The following NTM variants were observed in gnomAD, a reference collection of about 807,000 sequenced individuals.
NTM encodes the protein neurotrimin, also known as IgLON family member 2.
In NTM, 13 loss-of-function variants were observed where a neutral mutation model predicts 42.1. That is an observed-to-expected ratio of 0.31 (90% CI 0.20 to 0.49). The LOEUF (loss-of-function observed/expected upper bound fraction) is 0.49, where lower values mean the gene tolerates loss of function less well. Among genes scored for constraint, NTM ranks in the 20% least tolerant of loss-of-function variants. The pLI is 0.99. For synonymous variants in NTM, 187 were observed against 179.2 expected, an observed-to-expected ratio of 1.04 and a Z score of -0.35; for missense variants, 373 against 452.8, an observed-to-expected ratio of 0.82 and a Z score of 1.60.
At chr11:131,962,935 T>A (rs1483527085) in intron 2 of NTM, among the ~76,000 whole-genome samples, 2 of 152,170 alleles carry the variant, frequency 1.3e-5, no homozygotes, top group African/African-American at 2.4e-5. Flanking sequence ...TGAAGATCCT[T>A]ACTCACTGCA....
At chr11:131,939,433 A>T (rs1225228120) in intron 2 of NTM, among the ~76,000 whole-genome samples, 1 of 152,112 alleles carries the variant, frequency 6.6e-6, no homozygotes, top group Non-Finnish European at 1.5e-5. Context: ...AGAAAAAAAG[A>T]TGGTAGTAAT....
chr11:132,020,762 C>T (rs1374727729), intron 2 of NTM, among the ~76,000 whole-genome samples: 2 of 152,108 alleles, frequency 1.3e-5, no homozygotes, highest in Admixed American at 1.3e-4. Flanking sequence ...CCATCTTAAA[C>T]TTCTCAGTGT....
chr11:131,542,616 C>T (rs767747292), intron 1 of NTM, among the ~76,000 whole-genome samples: 9 of 152,166 alleles, frequency 5.9e-5, no homozygotes, highest in Non-Finnish European at 1.2e-4. Flanking sequence ...AATGTACCCC[C>T]TATTTTAGCA....
At chr11:131,512,164 A>T (rs2048330505) in intron 1 of NTM, among the ~76,000 whole-genome samples, 3 of 152,140 alleles carry the variant, frequency 2.0e-5, no homozygotes, top group African/African-American at 7.2e-5. Context: ...AGCCTTGGGG[A>T]CACGAGTGGA....
chr11:132,161,452 T>C (rs887321955), intron 3 of NTM, among the ~76,000 whole-genome samples: 4 of 150,848 alleles, frequency 2.7e-5, no homozygotes, highest in Admixed American at 6.6e-5. Context: ...CATCCTTTTT[T>C]TCCTGTTCTT....
intron 4 of NTM, among the ~76,000 whole-genome samples, chr11:132,218,333 A>G (rs1214025410): frequency 6.6e-6 from 1 of 152,212 alleles, no homozygotes; most frequent in Non-Finnish European, 1.5e-5. Flanking sequence ...TGCCAATTCT[A>G]GACAACTCTT....
At chr11:132,000,133 A>G (rs554482998) in intron 2 of NTM, among the ~76,000 whole-genome samples, 2 of 152,248 alleles carry the variant, frequency 1.3e-5, no homozygotes, top group African/African-American at 4.8e-5. Context: ...CCCTCAGCCC[A>G]CCTGGAAGCC....
chr11:132,190,667 G>A (rs940614861), intron 3 of NTM, among the ~76,000 whole-genome samples: 7 of 151,296 alleles, frequency 4.6e-5, no homozygotes, highest in Non-Finnish European at 8.8e-5. Flanking sequence ...AACCCAGGTG[G>A]CCCAGGTTGC....
intron 2 of NTM, among the ~76,000 whole-genome samples, chr11:132,108,875 C>T (rs2062779751): frequency 6.6e-6 from 1 of 152,098 alleles, no homozygotes; most frequent in Admixed American, 6.5e-5. Flanking sequence ...CCCTGACAGG[C>T]CCCAGTGTGT....
chr11:132,329,944 G>A (rs1169202746), intron 7 of NTM, among the ~76,000 whole-genome samples: 1 of 152,190 alleles, frequency 6.6e-6, no homozygotes, highest in Non-Finnish European at 1.5e-5. Context: ...ACCTCTTGAG[G>A]CAACTGGCTG....
At chr11:132,223,174 T>G (rs1052105824) in intron 4 of NTM, among the ~76,000 whole-genome samples, 12 of 152,220 alleles carry the variant, frequency 7.9e-5, no homozygotes, top group African/African-American at 2.9e-4. Flanking sequence ...CTACTGTGTG[T>G]GGGGCAACTC....
chr11:132,214,595 T>C (rs997073664), intron 4 of NTM, among the ~76,000 whole-genome samples: 2 of 152,208 alleles, frequency 1.3e-5, no homozygotes, highest in African/African-American at 4.8e-5. Context: ...TTCCACATTC[T>C]CTCTTCCCTC....
At chr11:132,300,337 C>CATTT (rs1212963722) in intron 4 of NTM, among the ~76,000 whole-genome samples, 1 of 152,198 alleles carries the variant, frequency 6.6e-6, no homozygotes, top group African/African-American at 2.4e-5. Context: ...CATATTTAGT[C>CATTT]ATTTAATGCT....
At chr11:132,141,776 A>G (rs1397545674) in intron 2 of NTM, among the ~76,000 whole-genome samples, 1 of 152,244 alleles carries the variant, frequency 6.6e-6, no homozygotes, top group Non-Finnish European at 1.5e-5. Context: ...TGGAAAACAC[A>G]TGCCTTTTCC....
intron 3 of NTM, among the ~76,000 whole-genome samples, chr11:132,174,086 G>T (rs2076465761): frequency 6.6e-6 from 1 of 152,118 alleles, no homozygotes; most frequent in Non-Finnish European, 1.5e-5. Flanking sequence ...AGTGGAAAAA[G>T]AGCTTAACTG....
At chr11:132,307,058 G>A (rs906885744) in intron 4 of NTM, among the ~76,000 whole-genome samples, 4 of 152,166 alleles carry the variant, frequency 2.6e-5, no homozygotes, top group Non-Finnish European at 4.4e-5. Context: ...CATCGAGTGC[G>A]GAGTCCCATT....
chr11:132,272,120 T>C (rs374116760), intron 4 of NTM, among the ~76,000 whole-genome samples: 1 of 152,100 alleles, frequency 6.6e-6, no homozygotes, highest in Admixed American at 6.6e-5. Flanking sequence ...CATCATTTGT[T>C]GAAAAGACTA....
At chr11:132,131,911 C>A (rs1591715613) in intron 2 of NTM, among the ~76,000 whole-genome samples, 1 of 152,058 alleles carries the variant, frequency 6.6e-6, no homozygotes, top group African/African-American at 2.4e-5. Flanking sequence ...GTTGGAGGTT[C>A]AAAATTAGAG....
Position 132,112,157 on chromosome 11 carries a change from G to A in NTM, c.168-34125G>A, listed in dbSNP as rs564024092. Among the ~76,000 whole-genome samples the A allele has an allele frequency of 4.6e-5, 7 of 152,242 alleles. No individual in the cohort carries two copies. The East Asian group carries it at 1.2e-3, about 25-fold the overall frequency. ...TTCTTTATGTGGTGCATTCTAGTTC[G>A]GATTGGTGTGTGACCCAGGCTAAGA... On this transcript the variant is annotated intron_variant, in intron 2 of 8. Transcript: ENST00000683400.
Sources: allele counts gnomAD v4.1 joint callset (sites outside exome capture counted in the v4.1 genomes callset), GRCh38; gene constraint gnomAD v4.1.1; transcripts MANE v1.5; gene names NCBI Gene and HGNC (gene_info 2026-07-23, HGNC 2026-07-21).